CHSY1: variants seen among roughly 807,000 people sequenced by gnomAD.
CHSY1 encodes the protein N-acetylgalactosaminyl-proteoglycan 3-beta-glucuronosyltransferase 1.
CHSY1 carries 13 observed loss-of-function variants against 59.8 expected under a neutral mutation model. The observed-to-expected ratio is 0.22, with a 90% CI of 0.14 to 0.35. CHSY1 has a LOEUF of 0.35. Ranked by LOEUF, CHSY1 falls within the 10% of genes least tolerant of loss-of-function variation. The pLI, the probability that CHSY1 is intolerant of heterozygous loss-of-function variation, is 1.00. For missense variants in CHSY1, 947 were observed against 1,030.6 expected, an observed-to-expected ratio of 0.92 and a Z score of 1.11; for synonymous variants, 459 against 401.2, an observed-to-expected ratio of 1.14 and a Z score of -1.72.
rs1467125471 is a variant in CHSY1 at position 101,176,295 on chromosome 15, T to C, written c.*1093A>G. 2.5e-6 allele frequency: 1 copy of C among 398,394 alleles called. No individual in the cohort carries two copies. The highest frequency in any genetic ancestry group is 2.1e-5 in the African/African-American group (1 of 48,608). 24.7% of individuals were successfully genotyped at this position (398,394 alleles called of 1,614,324 possible). A position where few individuals can be genotyped will look rare whatever the true frequency, so the allele number is the denominator to read the frequency against. On this transcript the variant is annotated 3_prime_UTR_variant, in exon 3 of 3. Transcript: ENST00000254190. ...CAGTAATGAAAGAATGAAAACCATCTCCACCCACATAACACAGACAGGATG... is the reference window on the plus strand; with the variant it reads ...CAGTAATGAAAGAATGAAAACCATCCCCACCCACATAACACAGACAGGATG...
At chr15:101,180,946 T>A (rs564775935) in intron 2 of CHSY1, among the ~76,000 whole-genome samples, 21 of 152,306 alleles carry the variant, frequency 1.4e-4, no homozygotes, top group African/African-American at 4.8e-4. Flanking sequence ...AAATGTCATG[T>A]GGGGACTCAA....
chr15:101,185,112 T>A (rs1179084054), intron 2 of CHSY1, among the ~76,000 whole-genome samples: 1 of 152,236 alleles, frequency 6.6e-6, no homozygotes, highest in Non-Finnish European at 1.5e-5. Flanking sequence ...AGCCTTGTCA[T>A]AAATGGCTTT....
chr15:101,205,444 G>T (rs1342544724), intron 2 of CHSY1, among the ~76,000 whole-genome samples: 2 of 152,136 alleles, frequency 1.3e-5, no homozygotes, highest in Non-Finnish European at 2.9e-5. Flanking sequence ...AATTGACATA[G>T]ACTCCACAAT....
chr15:101,250,565 C>G (rs2039096258), intron 1 of CHSY1, among the ~76,000 whole-genome samples: 1 of 152,252 alleles, frequency 6.6e-6, no homozygotes, highest in Non-Finnish European at 1.5e-5. Context: ...AACTGCTTTT[C>G]CCCAAGGTTC....
intron 1 of CHSY1, among the ~76,000 whole-genome samples, chr15:101,245,736 GA>G (rs1347480889): frequency 1.3e-5 from 2 of 152,172 alleles, no homozygotes; most frequent in Non-Finnish European, 2.9e-5. Context: ...TCAAGATCTT[GA>G]ACCTGACATA....
intron 2 of CHSY1, among the ~76,000 whole-genome samples, chr15:101,222,988 A>G (rs2038805732): frequency 6.6e-6 from 1 of 152,176 alleles, no homozygotes; most frequent in African/African-American, 2.4e-5. Context: ...AGTGACTAAC[A>G]AATACTTTGT....
At chr15:101,229,927 TAG>T (rs2038876699) in intron 2 of CHSY1, among the ~76,000 whole-genome samples, 1 of 151,400 alleles carries the variant, frequency 6.6e-6, no homozygotes, top group Non-Finnish European at 1.5e-5. Flanking sequence ...ATGATGATAT[TAG>T]AGACTTCAAT....
chr15:101,248,953 A>ATTTTTTTTTTTTT (rs565187410), intron 1 of CHSY1, among the ~76,000 whole-genome samples: 3 of 111,464 alleles, frequency 2.7e-5, no homozygotes, highest in Non-Finnish European at 5.4e-5. Context: ...AGCCTGGCTA[A>ATTTTTTTTTTTTT]TTTTTTTTTT....
intron 2 of CHSY1, among the ~76,000 whole-genome samples, chr15:101,217,337 A>G (rs1366924589): frequency 1.3e-5 from 2 of 152,208 alleles, no homozygotes; most frequent in Non-Finnish European, 2.9e-5. Context: ...ATCGTCACAT[A>G]CAGAAATATT....
chr15:101,225,441 C>T lies in CHSY1; in HGVS notation c.816+9641G>A, dbSNP rs183931064. On this transcript the variant is annotated intron_variant, in intron 2 of 2. Transcript: ENST00000254190. ...CCGTTGATATAGTTTGGATACTTGT[C>T]CCCACCCATATCTCATGTTGAAATG... 3.6e-3 allele frequency among the ~76,000 whole-genome samples: 546 copies of T among 152,246 alleles called. 1 individual carries two copies. The highest frequency in any genetic ancestry group is 6.8e-3 in the Middle Eastern group (2 of 294).
intron 2 of CHSY1, among the ~76,000 whole-genome samples, chr15:101,203,168 C>G (rs2038590405): frequency 6.6e-6 from 1 of 152,132 alleles, no homozygotes; most frequent in East Asian, 1.9e-4. Context: ...TTGCAGAAAC[C>G]ACAAACCCCT....
chr15:101,190,950 G>T (rs1330129332), intron 2 of CHSY1, among the ~76,000 whole-genome samples: 1 of 152,172 alleles, frequency 6.6e-6, no homozygotes, highest in Non-Finnish European at 1.5e-5. Flanking sequence ...GAACAAGAGG[G>T]ACTCTCGCTC....
chr15:101,188,595 T>TAAA (rs3034964), intron 2 of CHSY1, among the ~76,000 whole-genome samples: 15,898 of 149,598 alleles, frequency 0.11, 888 homozygotes, highest in East Asian at 0.22. Flanking sequence ...CTTTAGTGGT[T>TAAA]AAAAAAAAAA....
chr15:101,178,942 T>C lies in CHSY1; in HGVS notation c.855A>G (p.Lys285=), dbSNP rs1206842353. The C allele has an allele frequency of 6.2e-7, 1 of 1,614,086 alleles. No homozygotes were observed. The highest frequency in any genetic ancestry group is 1.3e-5 in the African/African-American group (1 of 74,928). ...TATGGAGATCTCTAATGTACCCCTT[T>C]TTGTTCTGCTCGTAATTCTCATAAA... ...QLFYENYEQN[K]KGYIRDLHNS... The change falls in exon 3 of 3, where the codon AAA becomes AAG. Residue 285 remains lysine (K), a synonymous_variant. Coordinates refer to ENST00000254190, the MANE Select transcript of CHSY1 (RefSeq NM_014918.5).
Position 101,195,746 on chromosome 15 carries a change from A to G in CHSY1, c.817-16766T>C, listed in dbSNP as rs144671253. Among the ~76,000 whole-genome samples the G allele has an allele frequency of 9.1e-3, 1,367 of 149,456 alleles. 24 individuals are homozygous for G. The highest frequency in any genetic ancestry group is 0.032 in the African/African-American group (1,307 of 40,640). ...AGGCTGAGGCGAGAGAATGGTGTGAACCTGGGAGGCGGAGCTTGCAGTGAG... is the reference window on the plus strand; with the variant it reads ...AGGCTGAGGCGAGAGAATGGTGTGAGCCTGGGAGGCGGAGCTTGCAGTGAG... On this transcript the variant is annotated intron_variant, in intron 2 of 2. Transcript: ENST00000254190.
chr15:101,237,055 T>TAA (rs35949707), intron 1 of CHSY1, among the ~76,000 whole-genome samples: 14 of 142,484 alleles, frequency 9.8e-5, no homozygotes, highest in African/African-American at 3.3e-4. Context: ...CCATCTCTAC[T>TAA]AAAAAAAAAA....
At chr15:101,219,560 C>T (rs567792195) in intron 2 of CHSY1, among the ~76,000 whole-genome samples, 3 of 152,162 alleles carry the variant, frequency 2.0e-5, no homozygotes, top group South Asian at 2.1e-4. Flanking sequence ...TAACACAGGG[C>T]CCACACTCCA....
intron 1 of CHSY1, among the ~76,000 whole-genome samples, chr15:101,248,037 TG>T (rs989846802): frequency 1.1e-4 from 16 of 151,710 alleles, no homozygotes; most frequent in African/African-American, 3.2e-4. Context: ...AAACAACAGT[TG>T]TTTTTTTGTT....
chr15:101,178,314 T>C lies in CHSY1; in HGVS notation c.1483A>G (p.Lys495Glu), dbSNP rs1267128744. ...HEELDAQELA[K>E]RINQESGSLS... ...GATCCAGATTCCTGATTGATTCTCT[T>C]GGCCAACTCTTGTGCATCCAGCTCC... Residue 495 changes from lysine (K) to glutamate (E), a missense_variant, in exon 3 of 3, where the codon AAG (lysine) becomes GAG (glutamate). Transcript: ENST00000254190. 6.2e-7 allele frequency: 1 copy of C among 1,608,886 alleles called. No homozygotes were observed. Among genetic ancestry groups the C allele is most frequent in the Non-Finnish European group, 8.5e-7 (1 of 1,175,812 alleles).
Sources: gnomAD v4.1 joint callset for allele counts (sites outside exome capture counted in the v4.1 genomes callset) on GRCh38, gnomAD v4.1.1 for gene constraint, MANE v1.5 for transcripts, NCBI Gene and HGNC (gene_info 2026-07-23, HGNC 2026-07-21) for gene names.